Variants in RNF157 observed in about 807,000 individuals in gnomAD.
The protein encoded by RNF157 is ring finger protein 157, also known as E3 ubiquitin ligase RNF157.
In RNF157, 55 loss-of-function variants were observed where a neutral mutation model predicts 88.3. That is an observed-to-expected ratio of 0.62 (90% CI 0.50 to 0.78). RNF157 has a LOEUF of 0.78. Ranked by LOEUF, RNF157 falls within the 30% of genes least tolerant of loss-of-function variation. The pLI, the probability that RNF157 is intolerant of heterozygous loss-of-function variation, is 0.00. For synonymous variants in RNF157, 334 were observed against 341.2 expected (o/e 0.98, Z 0.23); for missense variants, 788 against 860.8 (o/e 0.92, Z 1.06).
At chr17:76,225,725 C>T (rs963447488) in intron 1 of RNF157, 26 of 1,486,428 alleles carry the variant, frequency 1.7e-5, no homozygotes, top group South Asian at 1.4e-4. Flanking sequence ...TGTACAAGCA[C>T]GTTGACACTC....
At chr17:76,210,463 G>T (rs373160440) in intron 2 of RNF157, among the ~76,000 whole-genome samples, 3 of 150,888 alleles carry the variant, frequency 2.0e-5, no homozygotes, top group East Asian at 3.9e-4. Context: ...AGTGGCGGGT[G>T]CCTGTAGTCC....
chr17:76,198,333 A>G (rs1194273154), intron 2 of RNF157, among the ~76,000 whole-genome samples: 3 of 152,130 alleles, frequency 2.0e-5, no homozygotes, highest in Non-Finnish European at 2.9e-5. Flanking sequence ...CTTGGATCTG[A>G]TATGTGCTGG....
At chr17:76,226,656 T>G (rs1185983028) in intron 1 of RNF157, 1 of 1,612,454 alleles carries the variant, frequency 6.2e-7, no homozygotes. Context: ...GCCTTGTCGC[T>G]GGAGAACCCA....
intron 3 of RNF157, among the ~76,000 whole-genome samples, chr17:76,169,132 G>C (rs1361669464): frequency 6.6e-6 from 1 of 152,128 alleles, no homozygotes; most frequent in African/African-American, 2.4e-5. Context: ...TGTAGAACCC[G>C]TTAGTTGGAT....
Position 76,146,897 on chromosome 17 carries a change from G to A in RNF157, c.1922-1544C>T, listed in dbSNP as rs2068593943. 1 of 985,334 alleles carries A rather than the reference G, an allele frequency of 1.0e-6. No individual in the cohort carries two copies. Among genetic ancestry groups the A allele is most frequent in the Non-Finnish European group, 1.2e-6 (1 of 829,928 alleles). 61.0% of individuals were successfully genotyped at this position (985,334 alleles called of 1,614,324 possible). Reference sequence around the variant, plus strand: ...CCAGGGTCAGCCTCAGGCCAGCCCAGGACATGAAACCCTTTAATGGCATGT... The same window carrying A: ...CCAGGGTCAGCCTCAGGCCAGCCCAAGACATGAAACCCTTTAATGGCATGT... On this transcript the variant is annotated intron_variant, in intron 18 of 18. Transcript: ENST00000269391. This position sits in a 1 kb window ranked among gnomAD's most constrained non-coding sequence, Gnocchi z 4.2.
rs891846118 is a variant in RNF157, at chr17:76,187,215, G to A, written c.208-13425C>T. 1.2e-4 allele frequency among the ~76,000 whole-genome samples: 18 copies of A among 149,612 alleles called. 1 individual carries two copies. The highest frequency in any genetic ancestry group is 2.1e-4 in the South Asian group (1 of 4,696). On this transcript the variant is annotated intron_variant, in intron 2 of 18. Coordinates refer to ENST00000269391, the MANE Select transcript of RNF157 (RefSeq NM_052916.3). ...TTTTTTTTTCTTAAGATGGAGTCTCGCTCTGTCACCCAGGCTGGAGTGCAG... is the reference window on the plus strand; with the variant it reads ...TTTTTTTTTCTTAAGATGGAGTCTCACTCTGTCACCCAGGCTGGAGTGCAG...
rs904606243 is a variant in RNF157, at chr17:76,143,280, G to T, written c.*1955C>A. The T allele has an allele frequency of 3.3e-5, 5 of 152,352 alleles. No homozygotes were observed. Among genetic ancestry groups the T allele is most frequent in the South Asian group, 2.1e-4 (1 of 4,822 alleles). 9.4% of individuals were successfully genotyped at this position (152,352 alleles called of 1,614,324 possible). On this transcript the variant is annotated 3_prime_UTR_variant, in exon 19 of 19. Coordinates refer to ENST00000269391, the MANE Select transcript of RNF157 (RefSeq NM_052916.3). ...GAAGGACAGGGATCCTCAGGAAGGG[G>T]GTCCTGGCCACTGTGGCTACTGTTT...
Position 76,236,871 on chromosome 17 carries a change from G to GCAA in RNF157, c.88+3281_88+3282insTTG, listed in dbSNP as rs1267966583. Among the ~76,000 whole-genome samples, 350 of 152,330 alleles carry GCAA rather than the reference G, an allele frequency of 2.3e-3. 4 individuals are homozygous for GCAA. Among genetic ancestry groups the GCAA allele is most frequent in the African/African-American group, 8.0e-3 (332 of 41,582 alleles). The stretch of plus-strand genomic sequence containing the variant: ...TCTCTGAAAGCAAACAGAGCAAGGT[G>GCAA]TAGAACAGTCTAATAGCATGCTATG... On this transcript the variant is annotated intron_variant, in intron 1 of 18. Transcript: ENST00000269391.
intron 1 of RNF157, among the ~76,000 whole-genome samples, chr17:76,216,848 G>A (rs1252195129): frequency 4.0e-5 from 6 of 151,580 alleles, no homozygotes; most frequent in Admixed American, 2.0e-4. Flanking sequence ...CCATGACTGC[G>A]CCATTACATT....
At chr17:76,179,115 C>G (rs990449735) in intron 2 of RNF157, among the ~76,000 whole-genome samples, 1 of 152,160 alleles carries the variant, frequency 6.6e-6, no homozygotes, top group Admixed American at 6.6e-5. Flanking sequence ...GTATCCTGGC[C>G]GGGCACAGTA....
chr17:76,173,006 G>A (rs1042414860), intron 3 of RNF157, among the ~76,000 whole-genome samples: 4 of 152,194 alleles, frequency 2.6e-5, no homozygotes, highest in African/African-American at 7.2e-5. Flanking sequence ...GAAAAAGAAG[G>A]CTGGGCGCGG....
At chr17:76,232,431 G>A (rs942983878) in intron 1 of RNF157, among the ~76,000 whole-genome samples, 1 of 151,862 alleles carries the variant, frequency 6.6e-6, no homozygotes, top group African/African-American at 2.4e-5. Flanking sequence ...TTAAATTGCT[G>A]AGCAGTGTTT....
chr17:76,151,993 C>A (rs758764448), intron 18 of RNF157, among the ~76,000 whole-genome samples: 33 of 152,164 alleles, frequency 2.2e-4, no homozygotes, highest in Non-Finnish European at 3.8e-4. Flanking sequence ...CCAAGACCTT[C>A]GTAGAGAGGT....
intron 1 of RNF157, among the ~76,000 whole-genome samples, chr17:76,235,934 A>G (rs2070276133): frequency 6.6e-6 from 1 of 152,216 alleles, no homozygotes; most frequent in Non-Finnish European, 1.5e-5. Flanking sequence ...GCTTGAGCCC[A>G]GGACTTTGAG....
intron 1 of RNF157, among the ~76,000 whole-genome samples, chr17:76,239,004 T>C (rs961857083): frequency 6.6e-6 from 1 of 152,208 alleles, no homozygotes; most frequent in East Asian, 1.9e-4. Context: ...TGCTTTCACC[T>C]GGCAGACACT....
intron 1 of RNF157, among the ~76,000 whole-genome samples, chr17:76,233,594 G>C (rs966325618): frequency 7.2e-5 from 11 of 152,136 alleles, no homozygotes; most frequent in Admixed American, 5.2e-4. Context: ...CTGAAGCGCA[G>C]TGGCACAATC....
chr17:76,158,548 A>T (rs1278777856), intron 12 of RNF157, 47 bp from the exon 13 acceptor site: 1 of 1,365,780 alleles, frequency 7.3e-7, no homozygotes, highest in Middle Eastern at 1.8e-4. Context: ...GTCCATTTAA[A>T]GAACAGAACT....
At chr17:76,186,452 A>C (rs2069289250) in intron 2 of RNF157, among the ~76,000 whole-genome samples, 1 of 151,846 alleles carries the variant, frequency 6.6e-6, no homozygotes, top group Non-Finnish European at 1.5e-5. Context: ...GGTTGCAGTG[A>C]GCCGAGATCA....
At chr17:76,233,055 T>G (rs1231134299) in intron 1 of RNF157, among the ~76,000 whole-genome samples, 2 of 151,974 alleles carry the variant, frequency 1.3e-5, no homozygotes, top group Non-Finnish European at 2.9e-5. Context: ...TGAGTAGCTG[T>G]GACTACAGGT....
Sources: allele counts gnomAD v4.1 joint callset (sites outside exome capture counted in the v4.1 genomes callset), GRCh38; gene constraint gnomAD v4.1.1; non-coding constraint Gnocchi (gnomAD v3.1); transcripts MANE v1.5; gene names NCBI Gene and HGNC (gene_info 2026-07-23, HGNC 2026-07-21).